Variants in CTNNA2 observed in about 807,000 individuals in gnomAD.
The protein encoded by CTNNA2 is catenin alpha 2.
CTNNA2 carries 42 observed loss-of-function variants against 101.0 expected under a neutral mutation model. The observed-to-expected ratio is 0.42, with a 90% CI of 0.32 to 0.54. The LOEUF (loss-of-function observed/expected upper bound fraction) is 0.54, where lower values mean the gene tolerates loss of function less well. Among genes scored for constraint, CTNNA2 ranks in the 20% least tolerant of loss-of-function variants. The pLI is 0.14. For synonymous variants in CTNNA2, 450 were observed against 456.4 expected (o/e 0.99, Z 0.18); for missense variants, 871 against 1,223.1 (o/e 0.71, Z 4.29).
chr2:80,322,605 C>T (rs776424505), intron 7 of CTNNA2, among the ~76,000 whole-genome samples: 2 of 151,746 alleles, frequency 1.3e-5, no homozygotes, highest in East Asian at 1.9e-4. Flanking sequence ...CAGCCTGGCC[C>T]CGGCGCAGAT....
intron 7 of CTNNA2, among the ~76,000 whole-genome samples, chr2:80,103,795 C>T (rs978076351): frequency 6.6e-6 from 1 of 152,156 alleles, no homozygotes; most frequent in East Asian, 1.9e-4. Flanking sequence ...AGTGCAGTGG[C>T]GTGATCTTGG....
chr2:79,299,694 T>G (rs1370718171), intron 2 of CTNNA2, among the ~76,000 whole-genome samples: 1 of 152,200 alleles, frequency 6.6e-6, no homozygotes, highest in African/African-American at 2.4e-5. Context: ...CAAGGTAAAC[T>G]TCTGACCTAA....
intron 4 of CTNNA2, among the ~76,000 whole-genome samples, chr2:79,469,354 C>T (rs1214118449): frequency 6.6e-6 from 1 of 152,062 alleles, no homozygotes; most frequent in African/African-American, 2.4e-5. Context: ...CTGAATAGAC[C>T]AATAACAGGC....
chr2:79,505,527 T>C (rs1214223464), intron 5 of CTNNA2, among the ~76,000 whole-genome samples: 1 of 152,228 alleles, frequency 6.6e-6, no homozygotes, highest in Non-Finnish European at 1.5e-5. Flanking sequence ...TTTTGTTCCA[T>C]GCTCCCAAAC....
intron 18 of CTNNA2, among the ~76,000 whole-genome samples, chr2:80,623,097 T>A (rs1475567372): frequency 2.0e-5 from 3 of 151,044 alleles, no homozygotes; most frequent in African/African-American, 7.3e-5. Context: ...TATGTTTGTT[T>A]CAAGAGAAAA....
chr2:80,529,835 G>C (rs776715556), intron 9 of CTNNA2, among the ~76,000 whole-genome samples: 17 of 152,264 alleles, frequency 1.1e-4, no homozygotes, highest in Admixed American at 7.8e-4. Flanking sequence ...GATTCAGCGA[G>C]GGGGGTAAAA....
intron 6 of CTNNA2, among the ~76,000 whole-genome samples, chr2:79,898,795 C>T (rs763928611): frequency 7.9e-5 from 12 of 152,122 alleles, no homozygotes; most frequent in Non-Finnish European, 4.4e-5. Flanking sequence ...CAGTGTACAG[C>T]TGTAGTAAGG....
intron 12 of CTNNA2, among the ~76,000 whole-genome samples, chr2:80,564,739 A>G (rs1373779666): frequency 6.6e-6 from 1 of 152,212 alleles, no homozygotes; most frequent in Non-Finnish European, 1.5e-5. Flanking sequence ...GAATGTATGC[A>G]GGAAGAATTG....
chr2:80,417,610 C>A (rs1051448316), intron 8 of CTNNA2, among the ~76,000 whole-genome samples: 2 of 151,462 alleles, frequency 1.3e-5, no homozygotes, highest in Non-Finnish European at 2.9e-5. Flanking sequence ...ATTTATAATT[C>A]TTTCTTGAGT....
chr2:80,155,560 T>A (rs1703958510), intron 7 of CTNNA2, among the ~76,000 whole-genome samples: 1 of 152,198 alleles, frequency 6.6e-6, no homozygotes, highest in Non-Finnish European at 1.5e-5. Context: ...TCTTCTTTTC[T>A]TTTTTAATGC....
chr2:79,930,312 G>GAAAGAAAGAA (rs1687334689), intron 7 of CTNNA2, among the ~76,000 whole-genome samples: 5 of 123,414 alleles, frequency 4.1e-5, no homozygotes, highest in African/African-American at 1.7e-4. Context: ...AAGAAAGAAA[G>GAAAGAAAGAA]AAAGAAAGAA....
intron 7 of CTNNA2, among the ~76,000 whole-genome samples, chr2:80,011,770 T>C (rs1363716240): frequency 6.6e-6 from 1 of 152,206 alleles, no homozygotes; most frequent in African/African-American, 2.4e-5. Flanking sequence ...TTTCAACAAA[T>C]ATGGATTTAG....
intron 7 of CTNNA2, among the ~76,000 whole-genome samples, chr2:80,097,535 G>A (rs762437126): frequency 1.6e-4 from 24 of 152,072 alleles, no homozygotes; most frequent in Non-Finnish European, 2.9e-4. Context: ...TGTATTTCCT[G>A]AATTTGAATG....
intron 7 of CTNNA2, among the ~76,000 whole-genome samples, chr2:80,188,886 C>T (rs1249390372): frequency 6.6e-6 from 1 of 151,136 alleles, no homozygotes; most frequent in Non-Finnish European, 1.5e-5. Flanking sequence ...GAGTGCCTAC[C>T]ATAAGCACTA....
At chr2:79,961,218 T>C (rs913184797) in intron 7 of CTNNA2, among the ~76,000 whole-genome samples, 11 of 152,208 alleles carry the variant, frequency 7.2e-5, no homozygotes, top group African/African-American at 2.4e-4. Flanking sequence ...TGTGACAGAC[T>C]AGAATTTTTT....
intron 7 of CTNNA2, among the ~76,000 whole-genome samples, chr2:80,240,005 C>A (rs550101201): frequency 8.5e-5 from 13 of 152,232 alleles, no homozygotes; most frequent in Middle Eastern, 3.4e-3. Flanking sequence ...TGAAATTTTC[C>A]ATTTCATGTC....
At chr2:79,695,204 G>C (rs954808355) in intron 2 of CTNNA2, among the ~76,000 whole-genome samples, 1 of 151,778 alleles carries the variant, frequency 6.6e-6, no homozygotes, top group Admixed American at 6.6e-5. Context: ...AAGCACTTGG[G>C]GTTAGGGCAG....
chr2:79,447,196 CTTTG>C (rs1279775960), intron 4 of CTNNA2, among the ~76,000 whole-genome samples: 1 of 151,882 alleles, frequency 6.6e-6, no homozygotes, highest in Non-Finnish European at 1.5e-5. Flanking sequence ...TTTCTTTGAG[CTTTG>C]TTTTTCTCCT....
intron 7 of CTNNA2, among the ~76,000 whole-genome samples, chr2:80,227,967 A>G: frequency 6.6e-6 from 1 of 150,504 alleles, no homozygotes; most frequent in East Asian, 2.0e-4. Flanking sequence ...CCCAGGCAGC[A>G]TTTTTTTTTT....
Sources: gnomAD v4.1 joint callset for allele counts (sites outside exome capture counted in the v4.1 genomes callset) on GRCh38, gnomAD v4.1.1 for gene constraint, MANE v1.5 for transcripts, NCBI Gene and HGNC (gene_info 2026-07-23, HGNC 2026-07-21) for gene names.